Variants in VSIG10 observed in about 807,000 individuals in gnomAD.
The protein encoded by VSIG10 is V-set and immunoglobulin domain containing 10.
A neutral mutation model predicts 58.7 loss-of-function variants in VSIG10; 48 were observed. The observed-to-expected ratio is 0.82, with a 90% CI of 0.65 to 1.04. The LOEUF (loss-of-function observed/expected upper bound fraction) is 1.04, where lower values mean the gene tolerates loss of function less well. VSIG10 is among the 50% of genes least tolerant of loss of function. The probability of loss-of-function intolerance (pLI) is 0.00; values close to 1 mark genes in which losing one functional copy is unlikely to be tolerated. For synonymous variants in VSIG10, 260 were observed against 267.1 expected (o/e 0.97, Z 0.26); for missense variants, 628 against 670.0 (o/e 0.94, Z 0.69).
At chr12:118,083,485 C>T (rs7980188) in intron 2 of VSIG10, among the ~76,000 whole-genome samples, 102,393 of 151,730 alleles carry the variant, frequency 0.67, 36,488 homozygotes, top group African/African-American at 0.91. Context: ...GGCTGAGGCA[C>T]GAGAATTGCT....
At chr12:118,068,703 T>G (rs974061916) in intron 7 of VSIG10, 106 bp from the exon 8 acceptor site, 1 of 1,347,766 alleles carries the variant, frequency 7.4e-7, no homozygotes. Flanking sequence ...ATTAGTAATA[T>G]GGAAAATTAC....
At chr12:118,075,310 G>A (rs904439092) in intron 4 of VSIG10, among the ~76,000 whole-genome samples, 1 of 151,764 alleles carries the variant, frequency 6.6e-6, no homozygotes, top group Non-Finnish European at 1.5e-5. Flanking sequence ...GGTAAGGCAG[G>A]AACACTACAT....
chr12:118,070,547 C>CA lies in VSIG10; in HGVS notation c.1346+504dup, dbSNP rs10607174. ...TGAGCAAGAGAGAGAGATTCTGTCT[C>CA]AAAAAAAAAAAAAAAAAGAAAAAAG... On this transcript the variant is annotated intron_variant, in intron 7 of 8. Transcript: ENST00000359236. Among the ~76,000 whole-genome samples the CA allele has an allele frequency of 7.1e-3, 796 of 111,480 alleles. 8 individuals are homozygous for CA. Among genetic ancestry groups the CA allele is most frequent in the African/African-American group, 0.021 (625 of 29,820 alleles). The allele number at this position is 111,480 out of a possible 152,430, so 73.1% of individuals were successfully genotyped here.
At chr12:118,070,021 C>T (rs2032423244) in intron 7 of VSIG10, among the ~76,000 whole-genome samples, 1 of 152,108 alleles carries the variant, frequency 6.6e-6, no homozygotes, top group Admixed American at 6.5e-5. Context: ...CCCTCCAATA[C>T]AGGGCAGTAA....
intron 2 of VSIG10, among the ~76,000 whole-genome samples, chr12:118,085,393 C>A (rs1247351869): frequency 6.6e-6 from 1 of 152,172 alleles, no homozygotes; most frequent in Non-Finnish European, 1.5e-5. Flanking sequence ...TGCTCACGTG[C>A]GAGCTGGTTC....
chr12:118,070,838 C>T (rs1172477121), intron 7 of VSIG10: 9 of 605,846 alleles, frequency 1.5e-5, no homozygotes, highest in Non-Finnish European at 2.1e-5. Context: ...GAGCCTCCAT[C>T]CCCTTATCTG....
At chr12:118,082,565 G>A in intron 2 of VSIG10, 136 bp from the exon 3 acceptor site, 1 of 874,884 alleles carries the variant, frequency 1.1e-6, no homozygotes, top group East Asian at 2.6e-5. Flanking sequence ...GGTGACAAAT[G>A]CTATGCCAAG....
chr12:118,072,696 AAAAAT>A (rs1048330934), intron 5 of VSIG10, among the ~76,000 whole-genome samples: 1 of 152,008 alleles, frequency 6.6e-6, no homozygotes, highest in African/African-American at 2.4e-5. Context: ...CATCTGTATA[AAAAAT>A]AAAATAAAAA....
intron 4 of VSIG10, among the ~76,000 whole-genome samples, chr12:118,078,744 G>A (rs1011884871): frequency 6.6e-6 from 1 of 151,560 alleles, no homozygotes; most frequent in Admixed American, 6.6e-5. Context: ...TTCGAGACCA[G>A]CCTGGCCAAC....
intron 2 of VSIG10, among the ~76,000 whole-genome samples, chr12:118,084,903 C>T (rs1337391257): frequency 6.6e-6 from 1 of 152,188 alleles, no homozygotes; most frequent in Non-Finnish European, 1.5e-5. Context: ...CCTGTAGTCC[C>T]AGCTACTCTG....
chr12:118,065,840 C>A lies in VSIG10; in HGVS notation c.*799G>T, dbSNP rs1442673969. 5 of 152,140 alleles carry A rather than the reference C, an allele frequency of 3.3e-5. No homozygotes were observed. 9.4% of individuals were successfully genotyped at this position (152,140 alleles called of 1,614,324 possible). A position where few individuals can be genotyped will look rare whatever the true frequency, so the allele number is the denominator to read the frequency against. ...CCCAAATGTTGCCAGTGCAATCCCC[C>A]ACCAGGGGTACAGGTCAAATCAAAG... On this transcript the variant is annotated 3_prime_UTR_variant, in exon 9 of 9. Transcript: ENST00000359236.
intron 2 of VSIG10, among the ~76,000 whole-genome samples, chr12:118,084,599 G>T (rs2033062977): frequency 6.6e-6 from 1 of 152,178 alleles, no homozygotes; most frequent in Non-Finnish European, 1.5e-5. Context: ...AGCTTGGCAG[G>T]CCAGGCACGG....
chr12:118,078,411 A>C (rs1220113945), intron 4 of VSIG10, among the ~76,000 whole-genome samples: 4 of 152,018 alleles, frequency 2.6e-5, no homozygotes, highest in Admixed American at 1.3e-4. Context: ...CACCTGCCTC[A>C]GCCTCCCAAA....
chr12:118,084,981 T>G (rs1030996502), intron 2 of VSIG10, among the ~76,000 whole-genome samples: 58 of 152,252 alleles, frequency 3.8e-4, no homozygotes, highest in African/African-American at 1.4e-3. Context: ...ATCGCGCCAC[T>G]GCACTCCAGC....
At chr12:118,085,449 G>T (rs893513072) in intron 2 of VSIG10, among the ~76,000 whole-genome samples, 3 of 152,206 alleles carry the variant, frequency 2.0e-5, no homozygotes, top group African/African-American at 7.2e-5. Context: ...ACAGACACAG[G>T]GAGAGCCTGG....
At chr12:118,073,603 C>A in intron 5 of VSIG10, 96 bp downstream of exon 5, 1 of 1,415,724 alleles carries the variant, frequency 7.1e-7, no homozygotes. Context: ...TTGGCAGTGA[C>A]CCATGTGTAG....
intron 2 of VSIG10, among the ~76,000 whole-genome samples, chr12:118,092,409 A>C (rs1052696987): frequency 6.6e-6 from 1 of 152,134 alleles, no homozygotes. Flanking sequence ...AATCCAGAGC[A>C]TGGATGTCCT....
chr12:118,102,642 T>C (rs1469336551), intron 1 of VSIG10: 1 of 152,032 alleles, frequency 6.6e-6, no homozygotes, highest in East Asian at 1.9e-4. Context: ...TTAGGAACTC[T>C]TGGCACTTGC....
intron 1 of VSIG10, among the ~76,000 whole-genome samples, chr12:118,098,211 T>C (rs2033519643): frequency 6.6e-6 from 1 of 152,104 alleles, no homozygotes; most frequent in African/African-American, 2.4e-5. Flanking sequence ...TTGTTTCCAC[T>C]GTCCCACTGC....
Sources: gnomAD v4.1 joint callset for allele counts (sites outside exome capture counted in the v4.1 genomes callset) on GRCh38, gnomAD v4.1.1 for gene constraint, MANE v1.5 for transcripts, NCBI Gene and HGNC (gene_info 2026-07-23, HGNC 2026-07-21) for gene names.